EMC10: variants seen among roughly 807,000 people sequenced by gnomAD.
The protein encoded by EMC10 is ER membrane protein complex subunit 10.
A neutral mutation model predicts 32.2 loss-of-function variants in EMC10; 40 were observed. The ratio of observed to expected loss-of-function variants is 1.24; its 90% CI spans 0.96 to 1.61. The LOEUF is 1.61. Ranked by LOEUF, EMC10 falls within the 40% of genes most tolerant of loss-of-function variation. The pLI, the probability that EMC10 is intolerant of heterozygous loss-of-function variation, is 0.00. For synonymous variants in EMC10, 178 were observed against 158.4 expected (o/e 1.12, Z -0.93); for missense variants, 402 against 357.7 (o/e 1.12, Z -1.00).
intron 6 of EMC10, chr19:50,481,304 G>T: frequency 3.3e-6 from 1 of 307,194 alleles, no homozygotes; most frequent in Non-Finnish European, 6.0e-6. Flanking sequence ...GGGGCGAGCA[G>T]GTTCTTCAGG....
chr19:50,480,697 G>A lies in EMC10; in HGVS notation c.519G>A (p.Val173=), dbSNP rs545691602. 1.7e-4 allele frequency: 276 copies of A among 1,604,606 alleles called. No homozygotes were observed. In the South Asian group the frequency reaches 2.2e-3, roughly 13 times the overall value. The change falls in exon 5 of 7, where the codon GTG becomes GTA. Residue 173 remains valine, a synonymous_variant. Coordinates refer to ENST00000334976, the MANE Select transcript of EMC10 (RefSeq NM_206538.4). The surrounding 1 kb of genome is among the most constrained non-coding windows in gnomAD (Gnocchi z 4.4). ...CCGGGGGCTGCCGGGGCCATGAGGT[G>A]GAGGACGTGGACCTGGAGCTGTTCA... ...THPGGCRGHE[V]EDVDLELFNT... is the part of the protein sequence containing the mutation.
In EMC10 at chr19:50,476,508, C is replaced by T. The variant is rs376928120; in HGVS notation, c.-37C>T. The T allele has an allele frequency of 6.4e-7, 1 of 1,571,300 alleles. No individual in the cohort carries two copies. The highest frequency in any genetic ancestry group is 1.1e-5 in the South Asian group (1 of 88,302). ...TCCCGGCGTGCTCCGCGGCTCTTGG[C>T]TCACAGCCGTCCCTTCGCTGGTGGG... On this transcript the variant is annotated 5_prime_UTR_variant, in exon 1 of 7. Transcript: ENST00000334976.
rs371024737 is a variant in EMC10 at position 50,478,000 on chromosome 19, C to T, written c.186C>T (p.Ile62=). 1.0e-5 allele frequency: 16 copies of T among 1,602,518 alleles called. No individual in the cohort carries two copies. Among genetic ancestry groups the T allele is most frequent in the Middle Eastern group, 1.7e-4 (1 of 6,034 alleles). The change falls in exon 2 of 7, where the codon ATC becomes ATT. Residue 62 remains isoleucine (I), a splice_region_variant and synonymous_variant. Transcript: ENST00000334976. The part of the protein sequence containing the change: ...VGLLLEHSFE[I]DDSANFRKRG... ...TGCTGCTGGAGCACTCATTTGAGAT[C>T]GGTGAGTCAGGCAACGTCCTCTCCT... is the stretch of plus-strand genomic sequence containing the variant.
At position 50,483,047 on chromosome 19, in the gene EMC10, T is replaced by C. The variant is rs2040348546; in HGVS notation, c.*788T>C. 5 of 538,746 alleles carry C rather than the reference T, an allele frequency of 9.3e-6. No individual in the cohort carries two copies. Among genetic ancestry groups the C allele is most frequent in the South Asian group, 6.2e-5 (4 of 64,958 alleles). The allele number at this position is 538,746 out of a possible 1,614,324, so 33.4% of individuals were successfully genotyped here. A position where few individuals can be genotyped will look rare whatever the true frequency, so the allele number is the denominator to read the frequency against. ...ACCCCCCGCCGCCCAGCATCCTACCTGGACTGCGGTGCTACGAGGGCCTGC... is the reference window on the plus strand; with the variant it reads ...ACCCCCCGCCGCCCAGCATCCTACCCGGACTGCGGTGCTACGAGGGCCTGC... On this transcript the variant is annotated 3_prime_UTR_variant, in exon 7 of 7. Coordinates refer to ENST00000334976, the MANE Select transcript of EMC10 (RefSeq NM_206538.4).
chr19:50,478,961 C>G lies in EMC10; in HGVS notation c.192C>G (p.Asp64Glu). ...LLLEHSFEID[D>E]SANFRKRGSL... ...CTGAACCTGAGCTCCTCACAGATGACAGTGCCAACTTCCGGAAGCGGGGCT... is the reference window on the plus strand; with the variant it reads ...CTGAACCTGAGCTCCTCACAGATGAGAGTGCCAACTTCCGGAAGCGGGGCT... The change falls in exon 3 of 7, where the codon GAC (aspartate) becomes GAG (glutamate). Residue 64 changes from aspartate to glutamate, a missense_variant. By Grantham distance (45) the Asp-to-Glu change is conservative. Coordinates refer to ENST00000334976, the MANE Select transcript of EMC10 (RefSeq NM_206538.4). The G allele has an allele frequency of 1.9e-6, 3 of 1,605,760 alleles. No individual in the cohort carries two copies. Among genetic ancestry groups the G allele is most frequent in the Non-Finnish European group, 2.5e-6 (3 of 1,176,724 alleles).
Position 50,488,136 on chromosome 19 carries a change from C to CA in EMC10, c.*5887dup, listed in dbSNP as rs568858247. 1.0e-2 allele frequency: 1,458 copies of CA among 146,446 alleles called. 7 individuals carry two copies. The highest frequency in any genetic ancestry group is 0.013 in the Non-Finnish European group (854 of 66,184). The allele number at this position is 146,446 out of a possible 1,614,324, so 9.1% of individuals were successfully genotyped here. On this transcript the variant is annotated 3_prime_UTR_variant, in exon 7 of 7. Transcript: ENST00000334976. Reference sequence around the variant, plus strand: ...TGAAACCCTGTCTCTACTAAAAATACAAAAAAAAAATTAGCAGGGCATGGT... The same window carrying CA: ...TGAAACCCTGTCTCTACTAAAAATACAAAAAAAAAAATTAGCAGGGCATGGT...
At chr19:50,477,887 G>C (rs2040253641) in intron 1 of EMC10, 42 bp from the exon 2 acceptor site, 4 of 1,549,200 alleles carry the variant, frequency 2.6e-6, no homozygotes, top group Non-Finnish European at 3.5e-6. Flanking sequence ...TATGCTGAGG[G>C]CTTGGGTGGT....
intron 3 of EMC10, among the ~76,000 whole-genome samples, chr19:50,479,719 C>A (rs149602328): frequency 2.0e-5 from 3 of 152,172 alleles, no homozygotes; most frequent in African/African-American, 7.2e-5. Flanking sequence ...CTGCATGGTA[C>A]CCACATGATT....
chr19:50,478,433 T>A (rs2040264792), intron 2 of EMC10, among the ~76,000 whole-genome samples: 1 of 152,134 alleles, frequency 6.6e-6, no homozygotes, highest in Non-Finnish European at 1.5e-5. Context: ...AGGGGCCAGC[T>A]TCAAACCCAA....
Position 50,483,203 on chromosome 19 carries a change from C to T in EMC10, c.*944C>T, listed in dbSNP as rs2040351110. The T allele has an allele frequency of 9.0e-6, 4 of 444,920 alleles. No individual in the cohort carries two copies. Among genetic ancestry groups the T allele is most frequent in the South Asian group, 4.8e-5 (3 of 63,016 alleles). The allele number at this position is 444,920 out of a possible 1,614,324, so 27.6% of individuals were successfully genotyped here. On this transcript the variant is annotated 3_prime_UTR_variant, in exon 7 of 7. Coordinates refer to ENST00000334976, the MANE Select transcript of EMC10 (RefSeq NM_206538.4). Reference sequence around the variant, plus strand: ...GCAACTGTTGTTTTGGCAAGACGGTCCTGATGTACAAGCTTGATTGAAATT... The same window carrying T: ...GCAACTGTTGTTTTGGCAAGACGGTTCTGATGTACAAGCTTGATTGAAATT...
Position 50,480,976 on chromosome 19 carries a change from AC to A in EMC10, c.678del (p.Trp227GlyfsTer12), listed in dbSNP as rs2040311519. On this transcript the variant is annotated frameshift_variant and splice_region_variant, in exon 6 of 7. Transcript: ENST00000334976. LOFTEE classifies it high-confidence loss of function. This position sits in a 1 kb window ranked among gnomAD's most constrained non-coding sequence, Gnocchi z 4.4. Reference sequence around the variant, plus strand: ...GAGCAGAAGTCCTTCTTCGCCAAATACGTGAGTGGGGCTCCCCCGCCTCCCC... The same window carrying A: ...GAGCAGAAGTCCTTCTTCGCCAAATAGTGAGTGGGGCTCCCCCGCCTCCCC... ...PQEQKSFFAK[Y>X]WMYIIPVVLF... The A allele has an allele frequency of 1.2e-6, 2 of 1,608,642 alleles. No homozygotes were observed. Among genetic ancestry groups the A allele is most frequent in the Admixed American group, 3.4e-5 (2 of 59,506 alleles).
rs1241227481 is a variant in EMC10, at chr19:50,479,013, A to G, written c.244A>G (p.Thr82Ala). Reference protein sequence around the residue: ...GSLLWNQQDGTLSLSQRQLSE... With the variant: ...GSLLWNQQDGALSLSQRQLSE... ...ACTGCTCTGGAACCAGCAGGATGGTACCTTGTCCCTGTCACAGCGGCAGCT... is the reference window on the plus strand; with the variant it reads ...ACTGCTCTGGAACCAGCAGGATGGTGCCTTGTCCCTGTCACAGCGGCAGCT... Residue 82 changes from threonine to alanine, a missense_variant, in exon 3 of 7, where the codon ACC (threonine) becomes GCC (alanine). Transcript: ENST00000334976. 1.2e-6 allele frequency: 2 copies of G among 1,611,206 alleles called. No homozygotes were observed. The highest frequency in any genetic ancestry group is 3.3e-5 in the Admixed American group (2 of 59,882).
rs1034881410 is a variant in EMC10 at position 50,478,891 on chromosome 19, C to A, written c.188-66C>A. The A allele has an allele frequency of 5.8e-5, 71 of 1,229,870 alleles. No individual in the cohort carries two copies. In the African/African-American group the frequency reaches 8.7e-4, roughly 15 times the overall value. 76.2% of individuals were successfully genotyped at this position (1,229,870 alleles called of 1,614,324 possible). ...AGGCCAAAATTTGAAGCTGGACCTCCTGGCCCCTGCCTGGGTTGAAGGGTG... is the reference window on the plus strand; with the variant it reads ...AGGCCAAAATTTGAAGCTGGACCTCATGGCCCCTGCCTGGGTTGAAGGGTG... On this transcript the variant is annotated intron_variant, in intron 2 of 6. Transcript: ENST00000334976.
In EMC10 at chr19:50,480,229, G is replaced by C. The variant is rs373053492; in HGVS notation, c.402+14G>C. ...TTTGTCCCTGCGGTGAGTTGGTGTC[G>C]GGGATGAGCCCCCTTCTCCCTCGTC... On this transcript the variant is annotated intron_variant, in intron 4 of 6. Transcript: ENST00000334976. The surrounding 1 kb of genome is among the most constrained non-coding windows in gnomAD (Gnocchi z 4.4). 6.2e-7 allele frequency: 1 copy of C among 1,607,522 alleles called. No homozygotes were observed. Among genetic ancestry groups the C allele is most frequent in the South Asian group, 1.1e-5 (1 of 90,106 alleles).
chr19:50,478,949 C>A lies in EMC10; in HGVS notation c.188-8C>A. 6.3e-7 allele frequency: 1 copy of A among 1,595,596 alleles called. No homozygotes were observed. On this transcript the variant is annotated splice_region_variant and splice_polypyrimidine_tract_variant and intron_variant, in intron 2 of 6. Transcript: ENST00000334976. ...GAGGGGGCGTCTCTGAACCTGAGCT[C>A]CTCACAGATGACAGTGCCAACTTCC...
rs1311018559 is a variant in EMC10, at chr19:50,489,127, GAGAC to G, written c.*6874_*6877del. ...AAGGGAAGTTAAGAAGGGAAGGAGA[GAGAC>G]AGACATTAGGGAAGAAGGAAAGGAG... On this transcript the variant is annotated 3_prime_UTR_variant, in exon 7 of 7. Transcript: ENST00000334976. The G allele has an allele frequency of 6.6e-6, 1 of 151,382 alleles. No homozygotes were observed. The highest frequency in any genetic ancestry group is 1.5e-5 in the Non-Finnish European group (1 of 68,030). 9.4% of individuals were successfully genotyped at this position (151,382 alleles called of 1,614,324 possible). A position where few individuals can be genotyped will look rare whatever the true frequency, so the allele number is the denominator to read the frequency against.
chr19:50,482,945 A>G lies in EMC10; in HGVS notation c.*686A>G. On this transcript the variant is annotated 3_prime_UTR_variant, in exon 7 of 7. Coordinates refer to ENST00000334976, the MANE Select transcript of EMC10 (RefSeq NM_206538.4). ...TCCACAGGCTTCCAGACTTGAAGGA[A>G]AAGGTTTAAGAAAGAAAACAAAACC... The G allele has an allele frequency of 1.8e-6, 1 of 568,630 alleles. No homozygotes were observed. Among genetic ancestry groups the G allele is most frequent in the Non-Finnish European group, 3.1e-6 (1 of 318,836 alleles). 35.2% of individuals were successfully genotyped at this position (568,630 alleles called of 1,614,324 possible).
At chr19:50,481,293 A>G (rs1022221587) in intron 6 of EMC10, 5 of 320,116 alleles carry the variant, frequency 1.6e-5, no homozygotes, top group Admixed American at 4.7e-5. Flanking sequence ...CTTGGAAAGG[A>G]GGGGCGAGCA....
In EMC10 at chr19:50,483,009, A is replaced by G; in HGVS notation, c.*750A>G. On this transcript the variant is annotated 3_prime_UTR_variant, in exon 7 of 7. Transcript: ENST00000334976. ...GTCAAAGCCCAGACACTGTAAATAGAACCCCCTCCACCACCCCCCGCCGCC... is the reference window on the plus strand; with the variant it reads ...GTCAAAGCCCAGACACTGTAAATAGGACCCCCTCCACCACCCCCCGCCGCC... The G allele has an allele frequency of 1.7e-6, 1 of 580,576 alleles. No homozygotes were observed. Among genetic ancestry groups the G allele is most frequent in the Non-Finnish European group, 3.2e-6 (1 of 312,704 alleles). The allele number at this position is 580,576 out of a possible 1,614,324, so 36.0% of individuals were successfully genotyped here. A position where few individuals can be genotyped will look rare whatever the true frequency, so the allele number is the denominator to read the frequency against.
Sources: allele counts gnomAD v4.1 joint callset (sites outside exome capture counted in the v4.1 genomes callset), GRCh38; gene constraint gnomAD v4.1.1; non-coding constraint Gnocchi (gnomAD v3.1); transcripts MANE v1.5; gene names NCBI Gene and HGNC (gene_info 2026-07-23, HGNC 2026-07-21).